Variants in YIPF2 observed in about 807,000 individuals in gnomAD.
The protein encoded by YIPF2 is protein YIPF2.
A neutral mutation model predicts 38.8 loss-of-function variants in YIPF2; 30 were observed. The ratio of observed to expected loss-of-function variants is 0.77; its 90% CI spans 0.58 to 1.05. The LOEUF (loss-of-function observed/expected upper bound fraction) is 1.05, where lower values mean the gene tolerates loss of function less well. Among genes scored for constraint, YIPF2 ranks in the 50% least tolerant of loss-of-function variants. The probability of loss-of-function intolerance (pLI) is 0.00; values close to 1 mark genes in which losing one functional copy is unlikely to be tolerated. For synonymous variants in YIPF2, 194 were observed against 183.8 expected, an observed-to-expected ratio of 1.06 and a Z score of -0.45; for missense variants, 401 against 409.7, an observed-to-expected ratio of 0.98 and a Z score of 0.18.
chr19:10,925,863 C>T, intron 4 of YIPF2, 90 bp from the exon 5 acceptor site: 1 of 1,156,284 alleles, frequency 8.6e-7, no homozygotes, highest in South Asian at 1.3e-5. Context: ...CTCCACCCTT[C>T]TCTTTCCATG....
In YIPF2 at chr19:10,927,783, G is replaced by A. The variant is rs2083450248; in HGVS notation, c.192+16C>T. 2 of 1,606,686 alleles carry A rather than the reference G, an allele frequency of 1.2e-6. No individual in the cohort carries two copies. Among genetic ancestry groups the A allele is most frequent in the Non-Finnish European group, 1.7e-6 (2 of 1,176,084 alleles). Reference sequence around the variant, plus strand: ...GTCAGCTGGGGGCTGCAAGGAGGCAGGACACAGGGACTCACCGCGGCCTTG... The same window carrying A: ...GTCAGCTGGGGGCTGCAAGGAGGCAAGACACAGGGACTCACCGCGGCCTTG... On this transcript the variant is annotated intron_variant, in intron 3 of 9. Transcript: ENST00000586748.
At chr19:10,925,328 T>C (rs1418498092) in intron 5 of YIPF2, among the ~76,000 whole-genome samples, 1 of 152,000 alleles carries the variant, frequency 6.6e-6, no homozygotes, top group Non-Finnish European at 1.5e-5. Flanking sequence ...CTCGCTCCAG[T>C]GGTAATGCCG....
Position 10,923,673 on chromosome 19 carries a change from A to G in YIPF2, c.656T>C (p.Leu219Pro). 1.2e-6 allele frequency: 2 copies of G among 1,605,216 alleles called. No homozygotes were observed. The highest frequency in any genetic ancestry group is 1.7e-6 in the Non-Finnish European group (2 of 1,173,770). ...CAGCCAAGGCACAGGGATGAGCCAC[A>G]GGACCTGGGAGCAACACGGCGGCAG... The part of the protein sequence containing the change: ...SLFVFIPMVV[L>P]WLIPVPWLQW... The change falls in exon 8 of 10, where the codon CTG becomes CCG. Residue 219 changes from leucine (L) to proline (P), a missense_variant. Transcript: ENST00000586748.
In YIPF2 at chr19:10,925,707, G is replaced by A. The variant is rs371244312; in HGVS notation, c.346C>T (p.Arg116Trp). The A allele has an allele frequency of 3.7e-6, 6 of 1,613,858 alleles. No homozygotes were observed. The highest frequency in any genetic ancestry group is 3.3e-5 in the South Asian group (3 of 91,086). ...PGHNFVRHHL[R>W]NRPDLYGPFW... ...TCACCATACAGATCCGGCCGATTCC[G>A]CAGATGGTGCCGCACAAAGTTGTGG... is the stretch of plus-strand genomic sequence containing the variant. Residue 116 changes from arginine to tryptophan, a missense_variant, in exon 5 of 10, where the codon CGG becomes TGG. Coordinates refer to ENST00000586748, the MANE Select transcript of YIPF2 (RefSeq NM_001321439.2).
At position 10,925,596 on chromosome 19, in the gene YIPF2, G is replaced by C. The variant is rs552347248; in HGVS notation, c.367+90C>G. The C allele has an allele frequency of 2.7e-6, 4 of 1,468,958 alleles. No homozygotes were observed. In the East Asian group the frequency reaches 7.1e-5, roughly 26 times the overall value. The allele number at this position is 1,468,958 out of a possible 1,614,324, so 91.0% of individuals were successfully genotyped here. ...GGTAAGTCACACTGTCTGAGTGACTGATTTGTCCGCAGCTATACACTGGCA... is the reference window on the plus strand; with the variant it reads ...GGTAAGTCACACTGTCTGAGTGACTCATTTGTCCGCAGCTATACACTGGCA... On this transcript the variant is annotated intron_variant, in intron 5 of 9. Coordinates refer to ENST00000586748, the MANE Select transcript of YIPF2 (RefSeq NM_001321439.2).
intron 4 of YIPF2, among the ~76,000 whole-genome samples, chr19:10,926,859 TTTATTTTATTTATC>T (rs1392914732): frequency 6.6e-6 from 1 of 150,638 alleles, no homozygotes; most frequent in African/African-American, 2.4e-5. Context: ...TTTATTTAAT[TTTATTTTATTTATC>T]TTATTTTATT....
chr19:10,927,880 T>C lies in YIPF2; in HGVS notation c.111A>G (p.Gln37=). The C allele has an allele frequency of 6.2e-7, 1 of 1,612,714 alleles. No homozygotes were observed. Among genetic ancestry groups the C allele is most frequent in the Non-Finnish European group, 8.5e-7 (1 of 1,179,068 alleles). Residue 37 remains glutamine (Q), a synonymous_variant, in exon 3 of 10, where the codon CAA becomes CAG. Transcript: ENST00000586748. The part of the protein sequence containing the change: ...TTSRSDQLTP[Q]GHVAVAVGSG... ...AGCCCACGGCCACAGCCACGTGCCC[T>C]TGTGGGGTCAGCTGATCGCTTCTGC...
At chr19:10,927,745 C>T (rs530775371) in intron 3 of YIPF2, 29 bp from the exon 4 acceptor site, 2 of 1,611,874 alleles carry the variant, frequency 1.2e-6, no homozygotes, top group African/African-American at 2.7e-5. Context: ...CAGTGCCTGC[C>T]CGGAGAGCCT....
chr19:10,926,729 G>A (rs768252041), intron 4 of YIPF2, among the ~76,000 whole-genome samples: 7 of 151,964 alleles, frequency 4.6e-5, no homozygotes, highest in African/African-American at 7.3e-5. Flanking sequence ...GTTTCACCGC[G>A]TTGGCCAGGC....
chr19:10,925,739 C>A lies in YIPF2; in HGVS notation c.314G>T (p.Arg105Leu), dbSNP rs148361413. 5.6e-6 allele frequency: 9 copies of A among 1,613,890 alleles called. No individual in the cohort carries two copies. The highest frequency in any genetic ancestry group is 7.6e-6 in the Non-Finnish European group (9 of 1,179,986). Residue 105 changes from arginine to leucine, a missense_variant, in exon 5 of 10, where the codon CGG becomes CTG. By Grantham distance (102) the Arg-to-Leu change is moderately radical. Coordinates refer to ENST00000586748, the MANE Select transcript of YIPF2 (RefSeq NM_001321439.2). The stretch of plus-strand genomic sequence containing the variant: ...GTGCCGCACAAAGTTGTGGCCAGGC[C>A]GGGGCAGCAGTGAGCCTTTGATCCG... ...LDRIKGSLLP[R>L]PGHNFVRHHL...
At chr19:10,925,275 C>T (rs2083405515) in intron 5 of YIPF2, among the ~76,000 whole-genome samples, 1 of 151,882 alleles carries the variant, frequency 6.6e-6, no homozygotes, top group African/African-American at 2.4e-5. Flanking sequence ...GCATGGGAGG[C>T]TTGTGTGATC....
rs1432287384 is a variant in YIPF2 at position 10,923,501 on chromosome 19, GCC to G, written c.826_827del (p.Gly276LeufsTer2). The G allele has an allele frequency of 6.2e-7, 1 of 1,612,864 alleles. No homozygotes were observed. The highest frequency in any genetic ancestry group is 8.5e-7 in the Non-Finnish European group (1 of 1,179,694). ...GGCCACCCCAGACCCGTACCTTACA[GCC>G]CATGGCCAGGAGGGCGTGGAGCAGC... ...VVLLHALLAM[G>X]CKLYFFQSLP... is the part of the protein sequence containing the mutation. On this transcript the variant is annotated frameshift_variant, in exon 8 of 10. Coordinates refer to ENST00000586748, the MANE Select transcript of YIPF2 (RefSeq NM_001321439.2). LOFTEE classifies it high-confidence loss of function.
At chr19:10,926,258 G>A (rs1165611142) in intron 4 of YIPF2, among the ~76,000 whole-genome samples, 1 of 143,072 alleles carries the variant, frequency 7.0e-6, no homozygotes, top group East Asian at 2.0e-4. Flanking sequence ...ACGGAGTCTC[G>A]CTCTGTCACC....
rs2074270853 is a variant in YIPF2 at position 10,922,439 on chromosome 19, TC to T, written c.*754del. ...CCTCGGCCCCTGCCTCTTGCTGCTG[TC>T]CTGTCCCCGAGCCCCTGCAGGTCCC... On this transcript the variant is annotated 3_prime_UTR_variant, in exon 10 of 10. Coordinates refer to ENST00000586748, the MANE Select transcript of YIPF2 (RefSeq NM_001321439.2). 1 of 152,776 alleles carries T rather than the reference TC, an allele frequency of 6.5e-6. No homozygotes were observed. The highest frequency in any genetic ancestry group is 1.5e-5 in the Non-Finnish European group (1 of 68,304). The allele number at this position is 152,776 out of a possible 1,614,324, so 9.5% of individuals were successfully genotyped here.
intron 4 of YIPF2, among the ~76,000 whole-genome samples, chr19:10,926,156 C>G (rs1237703352): frequency 6.6e-6 from 1 of 151,810 alleles, no homozygotes; most frequent in Non-Finnish European, 1.5e-5. Context: ...GGTAATCCAC[C>G]CACCTCGGCC....
At position 10,927,728 on chromosome 19, in the gene YIPF2, G is replaced by T. The variant is rs199654122; in HGVS notation, c.193-12C>A. The T allele has an allele frequency of 2.5e-6, 4 of 1,612,816 alleles. No individual in the cohort carries two copies. Among genetic ancestry groups the T allele is most frequent in the Non-Finnish European group, 3.4e-6 (4 of 1,179,942 alleles). On this transcript the variant is annotated splice_polypyrimidine_tract_variant and intron_variant, in intron 3 of 9. Coordinates refer to ENST00000586748, the MANE Select transcript of YIPF2 (RefSeq NM_001321439.2). ...TGCTCCTGCAGGAGCTGCACATTGC[G>T]GGCATTCAGTGCCTGCCCGGAGAGC...
chr19:10,924,116 C>G lies in YIPF2; in HGVS notation c.444G>C (p.Arg148Ser). ...TGNLTLVLAQ[R>S]RDPSIHYSPQ... ...GGCTGTAGTGGATGGAGGGGTCCCT[C>G]CTCTGGGCCAGCACCAGCGTCAGGT... is the stretch of plus-strand genomic sequence containing the variant. Residue 148 changes from arginine (R) to serine (S), a missense_variant, in exon 6 of 10, where the codon AGG becomes AGC. Arg to Ser is a moderately radical substitution (Grantham distance 110). Coordinates refer to ENST00000586748, the MANE Select transcript of YIPF2 (RefSeq NM_001321439.2). 6.2e-7 allele frequency: 1 copy of G among 1,613,774 alleles called. No homozygotes were observed. The highest frequency in any genetic ancestry group is 8.5e-7 in the Non-Finnish European group (1 of 1,179,920).
At chr19:10,927,449 A>T in intron 4 of YIPF2, 181 bp downstream of exon 4, 2 of 801,722 alleles carry the variant, frequency 2.5e-6, no homozygotes, top group Non-Finnish European at 3.8e-6. Context: ...CTAACCCACC[A>T]GATTGTGTGT....
At chr19:10,928,478 C>T (rs1463498850) in intron 1 of YIPF2, 33 bp downstream of exon 1, 3 of 1,353,566 alleles carry the variant, frequency 2.2e-6, no homozygotes, top group Non-Finnish European at 1.9e-6. Context: ...TTCCCCCCCG[C>T]CCCCGAGCCG....
Sources: allele counts gnomAD v4.1 joint callset (sites outside exome capture counted in the v4.1 genomes callset), GRCh38; gene constraint gnomAD v4.1.1; transcripts MANE v1.5; gene names NCBI Gene and HGNC (gene_info 2026-07-23, HGNC 2026-07-21).